Variants in ZFHX3 observed in about 807,000 individuals in gnomAD.
The protein encoded by ZFHX3 is zinc finger homeobox protein 3.
Under a neutral mutation model 279.1 loss-of-function variants are expected in ZFHX3, and 42 were observed. The ratio of observed to expected loss-of-function variants is 0.15; its 90% confidence interval spans 0.12 to 0.19. ZFHX3 has a LOEUF of 0.19. ZFHX3 is among the 10% of genes least tolerant of loss of function. ZFHX3 has a pLI of 1.00. For missense variants in ZFHX3, 4,981 were observed against 4,754.0 expected, an observed-to-expected ratio of 1.05 and a Z score of -1.40; for synonymous variants, 2,293 against 1,957.8, an observed-to-expected ratio of 1.17 and a Z score of -4.52.
In ZFHX3 at chr16:73,751,198, T is replaced by A. The variant is rs8054913; in HGVS notation, c.-1607-70958A>T. 4.3e-3 allele frequency among the ~76,000 whole-genome samples: 661 copies of A among 152,364 alleles called. 2 individuals carry two copies. Among genetic ancestry groups the A allele is most frequent in the African/African-American group, 0.015 (617 of 41,588 alleles). ...ACCCAGGACCTACTGCAAGAAGTCC[T>A]TGAATCCATGGGCACAAAGTCACTC... On this transcript the variant is annotated intron_variant, in intron 1 of 17. Transcript: ENST00000641206.
chr16:73,654,691 T>A (rs1043091961), intron 2 of ZFHX3, among the ~76,000 whole-genome samples: 2 of 151,968 alleles, frequency 1.3e-5, no homozygotes, highest in Non-Finnish European at 2.9e-5. Context: ...TATTTTACAT[T>A]GATAGATTAA....
chr16:73,038,955 G>A (rs1349518682), intron 1 of ZFHX3, among the ~76,000 whole-genome samples: 1 of 151,016 alleles, frequency 6.6e-6, no homozygotes, highest in Non-Finnish European at 1.5e-5. Flanking sequence ...GCACCACCAC[G>A]CCCGGCTAAT....
At chr16:73,431,265 C>G (rs998343547) in intron 3 of ZFHX3, among the ~76,000 whole-genome samples, 17 of 151,534 alleles carry the variant, frequency 1.1e-4, no homozygotes, top group African/African-American at 3.2e-4. Flanking sequence ...GTCAGCCAGG[C>G]ACGGTGGCTC....
rs147833345 is a variant in ZFHX3, at chr16:73,073,058, G to A, written c.-532-14046C>T. On this transcript the variant is annotated intron_variant, in intron 8 of 17. Transcript: ENST00000641206. ...ATTACAGGCATGCACCACAATGCCC[G>A]GCTAATTTTTTCTATTTTAGTAGAG... Among the ~76,000 whole-genome samples, 12 of 150,796 alleles carry A rather than the reference G, an allele frequency of 8.0e-5. No homozygotes were observed. In the East Asian group the frequency reaches 2.4e-3, roughly 30 times the overall value.
At chr16:73,816,745 G>C (rs1375282773) in intron 1 of ZFHX3, among the ~76,000 whole-genome samples, 2 of 152,092 alleles carry the variant, frequency 1.3e-5, no homozygotes, top group Admixed American at 6.6e-5. Flanking sequence ...ATTCAGAACT[G>C]GTCACTAGAG....
At chr16:72,821,074 G>C (rs2036779194) in intron 5 of ZFHX3, among the ~76,000 whole-genome samples, 2 of 152,194 alleles carry the variant, frequency 1.3e-5, no homozygotes, top group South Asian at 4.1e-4. Context: ...AAGAGTGAAA[G>C]TGAACTTGTG....
chr16:73,743,904 C>T (rs1321958406), intron 1 of ZFHX3, among the ~76,000 whole-genome samples: 2 of 152,090 alleles, frequency 1.3e-5, no homozygotes, highest in African/African-American at 4.8e-5. Context: ...GTGAATACAG[C>T]CTGGACAACT....
intron 1 of ZFHX3, among the ~76,000 whole-genome samples, chr16:73,712,947 G>A (rs192208588): frequency 3.9e-5 from 6 of 152,266 alleles, no homozygotes; most frequent in Admixed American, 3.9e-4. Flanking sequence ...GTCTGCTGAT[G>A]GGGGCTCCGC....
chr16:73,732,905 A>C (rs1008379451), intron 1 of ZFHX3, among the ~76,000 whole-genome samples: 5 of 152,198 alleles, frequency 3.3e-5, no homozygotes, highest in Non-Finnish European at 5.9e-5. Context: ...GTTCAGCAGG[A>C]GAAGTGGAAA....
At chr16:73,591,598 C>T (rs2051997586) in intron 2 of ZFHX3, among the ~76,000 whole-genome samples, 1 of 136,832 alleles carries the variant, frequency 7.3e-6, no homozygotes, top group African/African-American at 2.7e-5. Context: ...GAGGCTGAGG[C>T]AGGAGAATGG....
chr16:73,139,298 G>A (rs965717098), intron 6 of ZFHX3, among the ~76,000 whole-genome samples: 1 of 152,154 alleles, frequency 6.6e-6, no homozygotes, highest in African/African-American at 2.4e-5. Flanking sequence ...TATTGTTGCA[G>A]ACAGTATACA....
At chr16:73,183,019 A>G (rs1967831675) in intron 5 of ZFHX3, among the ~76,000 whole-genome samples, 1 of 152,180 alleles carries the variant, frequency 6.6e-6, no homozygotes, top group Non-Finnish European at 1.5e-5. Context: ...AGCCTGACCA[A>G]TATGGTGAAA....
intron 2 of ZFHX3, among the ~76,000 whole-genome samples, chr16:73,560,778 A>C (rs2020358043): frequency 6.6e-6 from 1 of 152,216 alleles, no homozygotes. Flanking sequence ...TCTGGTTCAG[A>C]GCCTCCGAAA....
intron 5 of ZFHX3, among the ~76,000 whole-genome samples, chr16:73,145,462 G>A (rs1416515422): frequency 1.3e-5 from 2 of 152,228 alleles, no homozygotes; most frequent in Non-Finnish European, 1.5e-5. Context: ...GGGGGAGGGG[G>A]CGATTGGCTT....
chr16:73,284,223 G>A (rs1416689889), intron 4 of ZFHX3, among the ~76,000 whole-genome samples: 6 of 149,104 alleles, frequency 4.0e-5, no homozygotes, highest in Non-Finnish European at 8.9e-5. Flanking sequence ...AGGCTAAGGC[G>A]GGAGAACTGC....
intron 3 of ZFHX3, among the ~76,000 whole-genome samples, chr16:73,344,527 G>A (rs1238145976): frequency 2.0e-5 from 3 of 152,180 alleles, no homozygotes; most frequent in African/African-American, 7.2e-5. Flanking sequence ...TTCATTGATG[G>A]TATTGTATAA....
In ZFHX3 at chr16:73,014,108, C is replaced by A. The variant is rs1031944687; in HGVS notation, c.-50+33644G>T. On this transcript the variant is annotated intron_variant, in intron 1 of 9. Coordinates refer to ENST00000268489, the MANE Select transcript of ZFHX3 (RefSeq NM_006885.4). Reference sequence around the variant, plus strand: ...AAGGAGATGTAACAGAAGCATGACACAGAGTGATGTGAGGAAGGGGCCATC... The same window carrying A: ...AAGGAGATGTAACAGAAGCATGACAAAGAGTGATGTGAGGAAGGGGCCATC... 2.0e-5 allele frequency among the ~76,000 whole-genome samples: 3 copies of A among 152,220 alleles called. No homozygotes were observed. In the East Asian group the frequency reaches 5.8e-4, roughly 29 times the overall value.
intron 1 of ZFHX3, among the ~76,000 whole-genome samples, chr16:73,712,535 T>C (rs960343534): frequency 1.3e-5 from 2 of 152,200 alleles, no homozygotes; most frequent in Admixed American, 6.5e-5. Context: ...TGGAGGGACA[T>C]GCCTACCTCT....
At chr16:72,827,151 G>A (rs954964172) in intron 5 of ZFHX3, among the ~76,000 whole-genome samples, 4 of 152,110 alleles carry the variant, frequency 2.6e-5, no homozygotes, top group African/African-American at 7.2e-5. Context: ...TCATTCGCAC[G>A]ATCCCATTAA....
Sources: gnomAD v4.1 joint callset for allele counts (sites outside exome capture counted in the v4.1 genomes callset) on GRCh38, gnomAD v4.1.1 for gene constraint, MANE v1.5 for transcripts, NCBI Gene and HGNC (gene_info 2026-07-23, HGNC 2026-07-21) for gene names.